Variants in GRIN3A observed in about 807,000 individuals in gnomAD.
The protein encoded by GRIN3A is glutamate ionotropic receptor NMDA type subunit 3A.
GRIN3A carries 47 observed loss-of-function variants against 92.4 expected under a neutral mutation model. The ratio of observed to expected loss-of-function variants is 0.51; its 90% CI spans 0.40 to 0.65. The LOEUF is 0.65. Ranked by LOEUF, GRIN3A falls within the 30% of genes least tolerant of loss-of-function variation. The pLI is 0.00. For missense variants in GRIN3A, 1,324 were observed against 1,393.1 expected, an observed-to-expected ratio of 0.95 and a Z score of 0.79; for synonymous variants, 527 against 540.6, an observed-to-expected ratio of 0.97 and a Z score of 0.35.
In GRIN3A at chr9:101,737,606, C is replaced by A; in HGVS notation, c.374G>T (p.Arg125Leu). 6.2e-7 allele frequency: 1 copy of A among 1,613,660 alleles called. No homozygotes were observed. The change falls in exon 1 of 9, where the codon CGG (arginine) becomes CTG (leucine). Residue 125 changes from arginine (R) to leucine (L), a missense_variant. Physicochemically the swap from Arg to Leu is moderately radical, Grantham distance 102. Coordinates refer to ENST00000361820, the MANE Select transcript of GRIN3A (RefSeq NM_133445.3). ...EGARAEALWP[R>L]DALLFAVDNL... ...GTCCACGGCAAATAGGAGGGCGTCCCGTGGCCACAGGGCCTCCGCCCTGGC... is the reference window on the plus strand; with the variant it reads ...GTCCACGGCAAATAGGAGGGCGTCCAGTGGCCACAGGGCCTCCGCCCTGGC...
intron 1 of GRIN3A, among the ~76,000 whole-genome samples, chr9:101,736,580 A>G (rs746457164): frequency 6.6e-6 from 1 of 152,122 alleles, no homozygotes; most frequent in African/African-American, 2.4e-5. Context: ...CACATTACAT[A>G]GAAGGAAAGT....
chr9:101,621,509 A>G (rs1828555648), intron 5 of GRIN3A, among the ~76,000 whole-genome samples: 1 of 152,158 alleles, frequency 6.6e-6, no homozygotes, highest in Non-Finnish European at 1.5e-5. Flanking sequence ...TGATAACAAT[A>G]TTCTCTCAAT....
intron 3 of GRIN3A, among the ~76,000 whole-genome samples, chr9:101,643,129 A>G (rs1828887640): frequency 6.6e-6 from 1 of 152,168 alleles, no homozygotes; most frequent in South Asian, 2.1e-4. Context: ...AAGGTTGCAG[A>G]CCACTGATAT....
At chr9:101,667,158 AC>A (rs1829249677) in intron 3 of GRIN3A, among the ~76,000 whole-genome samples, 1 of 151,932 alleles carries the variant, frequency 6.6e-6, no homozygotes. Context: ...TGTGCTTTAT[AC>A]TTCGTATTAC....
Position 101,569,656 on chromosome 9 carries a change from T to C in GRIN3A, c.*3518A>G, listed in dbSNP as rs1827733254. Reference sequence around the variant, plus strand: ...GTGAGGGAATCCTGGATTAGATGGATAGTTTAGGTGGGTAAAGAAAGGAAT... The same window carrying C: ...GTGAGGGAATCCTGGATTAGATGGACAGTTTAGGTGGGTAAAGAAAGGAAT... On this transcript the variant is annotated 3_prime_UTR_variant, in exon 9 of 9. Coordinates refer to ENST00000361820, the MANE Select transcript of GRIN3A (RefSeq NM_133445.3). The C allele has an allele frequency of 6.6e-6, 1 of 152,172 alleles. No individual in the cohort carries two copies. 9.4% of individuals were successfully genotyped at this position (152,172 alleles called of 1,614,324 possible). A position where few individuals can be genotyped will look rare whatever the true frequency, so the allele number is the denominator to read the frequency against.
At chr9:101,720,575 T>C (rs923636896) in intron 1 of GRIN3A, among the ~76,000 whole-genome samples, 1 of 152,202 alleles carries the variant, frequency 6.6e-6, no homozygotes, top group African/African-American at 2.4e-5. Flanking sequence ...ATGGGTCAAA[T>C]AGGCTTTTGA....
At chr9:101,635,340 A>C (rs1195714074) in intron 3 of GRIN3A, among the ~76,000 whole-genome samples, 1 of 152,198 alleles carries the variant, frequency 6.6e-6, no homozygotes, top group East Asian at 1.9e-4. Context: ...ATGCCCATTC[A>C]TTTATGTATT....
At position 101,569,379 on chromosome 9, in the gene GRIN3A, A is replaced by T. The variant is rs1827729611; in HGVS notation, c.*3795T>A. 1 of 152,218 alleles carries T rather than the reference A, an allele frequency of 6.6e-6. No individual in the cohort carries two copies. Among genetic ancestry groups the T allele is most frequent in the Non-Finnish European group, 1.5e-5 (1 of 68,050 alleles). 9.4% of individuals were successfully genotyped at this position (152,218 alleles called of 1,614,324 possible). A position where few individuals can be genotyped will look rare whatever the true frequency, so the allele number is the denominator to read the frequency against. ...AAGTTTCTATCTGAACATTTATTCC[A>T]CAGTCATAGAAACTGAAGATGGAAA... On this transcript the variant is annotated 3_prime_UTR_variant, in exon 9 of 9. Transcript: ENST00000361820.
At chr9:101,643,160 A>C (rs548396439) in intron 3 of GRIN3A, among the ~76,000 whole-genome samples, 54 of 152,236 alleles carry the variant, frequency 3.5e-4, no homozygotes, top group African/African-American at 1.2e-3. Context: ...GGGCTAATAT[A>C]CAAAATATAT....
chr9:101,607,706 G>A (rs1018002420), intron 6 of GRIN3A, among the ~76,000 whole-genome samples: 3 of 152,240 alleles, frequency 2.0e-5, no homozygotes, highest in Non-Finnish European at 4.4e-5. Context: ...AGGATGGCTT[G>A]TCTGATTTCA....
intron 5 of GRIN3A, among the ~76,000 whole-genome samples, chr9:101,618,265 CA>C (rs1828495954): frequency 6.7e-6 from 1 of 150,274 alleles, no homozygotes; most frequent in Non-Finnish European, 1.5e-5. Context: ...AGGCAACCTA[CA>C]AAATGGGAGA....
At chr9:101,578,932 C>T (rs1032166379) in intron 7 of GRIN3A, among the ~76,000 whole-genome samples, 1 of 152,024 alleles carries the variant, frequency 6.6e-6, no homozygotes, top group African/African-American at 2.4e-5. Context: ...TTAAGTGAAA[C>T]CTGGTTAAAA....
intron 1 of GRIN3A, among the ~76,000 whole-genome samples, chr9:101,709,843 C>T (rs983908849): frequency 3.3e-5 from 5 of 152,168 alleles, no homozygotes; most frequent in African/African-American, 4.8e-5. Context: ...ACACTCTAGC[C>T]TGACTCTACA....
chr9:101,708,374 G>T (rs746828651), intron 1 of GRIN3A, among the ~76,000 whole-genome samples: 2 of 152,126 alleles, frequency 1.3e-5, no homozygotes, highest in Non-Finnish European at 2.9e-5. Context: ...AGATAATGTG[G>T]TTTTTGTGAC....
Position 101,676,871 on chromosome 9 carries a change from T to C in GRIN3A, c.1305-5764A>G, listed in dbSNP as rs1055639719. Among the ~76,000 whole-genome samples, 8 of 151,864 alleles carry C rather than the reference T, an allele frequency of 5.3e-5. No individual in the cohort carries two copies. In the East Asian group the frequency reaches 1.5e-3, roughly 29 times the overall value. On this transcript the variant is annotated intron_variant, in intron 2 of 8. Coordinates refer to ENST00000361820, the MANE Select transcript of GRIN3A (RefSeq NM_133445.3). ...TAAACCTTCCCCTTTTCCTTTTTTT[T>C]TTTCTGTGAGAAAGAGAAACTTGAC...
At position 101,686,914 on chromosome 9, in the gene GRIN3A, C is replaced by G; in HGVS notation, c.986G>C (p.Gly329Ala). ...CCGCCGGATACTTTCCATGTCGCAG[C>G]CAAACATCACCACTGTGGGTGTGCT... ...KNSTPTVVMF[G>A]CDMESIRRIF... The change falls in exon 2 of 9, where the codon GGC becomes GCC. Residue 329 changes from glycine (G) to alanine (A), a missense_variant. By Grantham distance (60) the Gly-to-Ala change is moderately conservative. Coordinates refer to ENST00000361820, the MANE Select transcript of GRIN3A (RefSeq NM_133445.3). The G allele has an allele frequency of 1.2e-6, 2 of 1,614,226 alleles. No individual in the cohort carries two copies. The highest frequency in any genetic ancestry group is 1.1e-5 in the South Asian group (1 of 91,088).
chr9:101,635,455 T>C (rs1828773397), intron 3 of GRIN3A, among the ~76,000 whole-genome samples: 1 of 152,166 alleles, frequency 6.6e-6, no homozygotes, highest in Non-Finnish European at 1.5e-5. Context: ...AAACAGGAAA[T>C]GTTTGCTGTC....
chr9:101,717,276 G>C (rs1020680031), intron 1 of GRIN3A, among the ~76,000 whole-genome samples: 1 of 152,000 alleles, frequency 6.6e-6, no homozygotes, highest in East Asian at 1.9e-4. Flanking sequence ...TGAAAATCAC[G>C]TTGGATGACA....
chr9:101,674,498 A>G (rs199595216), intron 2 of GRIN3A, among the ~76,000 whole-genome samples: 1 of 52,384 alleles, frequency 1.9e-5, no homozygotes, highest in Non-Finnish European at 5.1e-5. Flanking sequence ...GTGATTTAAG[A>G]GGGCCAAATG....
Sources: gnomAD v4.1 joint callset for allele counts (sites outside exome capture counted in the v4.1 genomes callset) on GRCh38, gnomAD v4.1.1 for gene constraint, MANE v1.5 for transcripts, NCBI Gene and HGNC (gene_info 2026-07-23, HGNC 2026-07-21) for gene names.